CDH2: variants seen among roughly 807,000 people sequenced by gnomAD.
CDH2 encodes cadherin 2, also known as cadherin-2.
A neutral mutation model predicts 92.0 loss-of-function variants in CDH2; 17 were observed. The ratio of observed to expected loss-of-function variants is 0.18; its 90% CI spans 0.13 to 0.28. The LOEUF is 0.28. CDH2 is among the 10% of genes least tolerant of loss of function. The probability of loss-of-function intolerance (pLI) is 1.00; values close to 1 mark genes in which losing one functional copy is unlikely to be tolerated. For missense variants in CDH2, 862 were observed against 1,133.1 expected (o/e 0.76, Z 3.44); for synonymous variants, 419 against 415.9 (o/e 1.01, Z -0.09).
At chr18:27,972,128 G>A (rs1181051863) in intron 14 of CDH2, among the ~76,000 whole-genome samples, 1 of 152,096 alleles carries the variant, frequency 6.6e-6, no homozygotes, top group East Asian at 1.9e-4. Context: ...ATCTTGCCTG[G>A]ACTTTAGATT....
intron 2 of CDH2, among the ~76,000 whole-genome samples, chr18:28,055,706 G>A (rs192653338): frequency 1.8e-3 from 274 of 152,244 alleles, no homozygotes; most frequent in African/African-American, 5.2e-3. Flanking sequence ...AAATGTCTGA[G>A]TAATTTTAAG....
intron 4 of CDH2, among the ~76,000 whole-genome samples, chr18:28,010,971 C>T (rs1220146): frequency 0.5 from 75,308 of 150,098 alleles, 19,044 homozygotes; most frequent in South Asian, 0.58. Context: ...AGCAAAATTC[C>T]CTTTTCTCTC....
intron 2 of CDH2, among the ~76,000 whole-genome samples, chr18:28,119,044 C>A (rs982933898): frequency 1.3e-5 from 2 of 151,978 alleles, no homozygotes; most frequent in African/African-American, 4.8e-5. Flanking sequence ...ACCAAAAGAA[C>A]AATCCAGGGA....
intron 6 of CDH2, among the ~76,000 whole-genome samples, chr18:28,004,773 T>G (rs2012867224): frequency 6.6e-6 from 1 of 152,188 alleles, no homozygotes; most frequent in Non-Finnish European, 1.5e-5. Context: ...TCTGACGATG[T>G]GACTTAGAAG....
chr18:27,962,437 A>C (rs2011431863), intron 15 of CDH2, among the ~76,000 whole-genome samples: 1 of 152,230 alleles, frequency 6.6e-6, no homozygotes, highest in Non-Finnish European at 1.5e-5. Context: ...AATGTAGATT[A>C]TGTTTAATAT....
chr18:28,137,629 A>G (rs2144308771), intron 2 of CDH2, among the ~76,000 whole-genome samples: 1 of 152,284 alleles, frequency 6.6e-6, no homozygotes, highest in African/African-American at 2.4e-5. Context: ...CAAATGTCCG[A>G]ACACCATAAG....
intron 2 of CDH2, chr18:28,045,487 A>G: frequency 2.2e-6 from 1 of 460,728 alleles, no homozygotes. Context: ...GGTCTTGTAA[A>G]TGAACTTCAT....
At chr18:27,936,926 A>G (rs953576180) in intron 6 of CDH2, among the ~76,000 whole-genome samples, 1 of 152,200 alleles carries the variant, frequency 6.6e-6, no homozygotes, top group African/African-American at 2.4e-5. Flanking sequence ...ATGAAAGTAA[A>G]ACACTCTCAA....
chr18:28,160,572 T>TTA (rs2016292210), intron 1 of CDH2, among the ~76,000 whole-genome samples: 1 of 152,122 alleles, frequency 6.6e-6, no homozygotes, highest in African/African-American at 2.4e-5. Context: ...TGGATGGCCT[T>TTA]TACAAGTGAA....
intron 2 of CDH2, among the ~76,000 whole-genome samples, chr18:28,075,624 C>T (rs1433303945): frequency 1.3e-5 from 2 of 152,174 alleles, no homozygotes; most frequent in Non-Finnish European, 2.9e-5. Flanking sequence ...ACAGAAAAGG[C>T]TGGTATCCCA....
At chr18:28,138,654 A>C (rs1353392990) in intron 2 of CDH2, among the ~76,000 whole-genome samples, 2 of 152,102 alleles carry the variant, frequency 1.3e-5, no homozygotes, top group African/African-American at 4.8e-5. Flanking sequence ...TTCCTACTAC[A>C]GGGATTTTGC....
chr18:28,018,903 A>G (rs917678299), intron 2 of CDH2, among the ~76,000 whole-genome samples: 4 of 149,922 alleles, frequency 2.7e-5, no homozygotes, highest in Non-Finnish European at 5.9e-5. Flanking sequence ...GTACATATAT[A>G]TGTGTGTGTA....
chr18:28,073,963 T>C (rs2014669278), intron 2 of CDH2, among the ~76,000 whole-genome samples: 1 of 152,154 alleles, frequency 6.6e-6, no homozygotes. Flanking sequence ...GTTATTTACA[T>C]TGTATTAATA....
intron 6 of CDH2, among the ~76,000 whole-genome samples, chr18:27,943,237 T>G (rs907965282): frequency 6.6e-6 from 1 of 152,190 alleles, no homozygotes; most frequent in Non-Finnish European, 1.5e-5. Context: ...GCCCTCTGTC[T>G]TTTCACTCAG....
intron 2 of CDH2, among the ~76,000 whole-genome samples, chr18:28,092,783 G>C (rs748946241): frequency 4.6e-5 from 7 of 152,086 alleles, no homozygotes; most frequent in Non-Finnish European, 8.8e-5. Flanking sequence ...GAAAACAACA[G>C]AATTGTAGAA....
intron 14 of CDH2, among the ~76,000 whole-genome samples, chr18:27,975,181 T>A (rs571261824): frequency 6.6e-6 from 1 of 152,288 alleles, no homozygotes; most frequent in South Asian, 2.1e-4. Context: ...CCAATTGTCA[T>A]GCTCCAGTCA....
In CDH2 at chr18:28,002,192, C is replaced by A. The variant is rs1401094646; in HGVS notation, c.1020+805G>T. 2.6e-5 allele frequency among the ~76,000 whole-genome samples: 4 copies of A among 152,232 alleles called. No homozygotes were observed. The East Asian group carries it at 7.7e-4, about 29-fold the overall frequency. ...AGTGCTTGAATCAGAACCGGAAGAA[C>A]TAGAAGATCCAAGATCAAGATAAAG... On this transcript the variant is annotated intron_variant, in intron 7 of 15. Transcript: ENST00000269141.
intron 1 of CDH2, among the ~76,000 whole-genome samples, chr18:28,173,432 A>G (rs1271376757): frequency 2.6e-5 from 4 of 152,156 alleles, no homozygotes; most frequent in African/African-American, 9.6e-5. Context: ...GCACATGAAA[A>G]TCAAATAAAT....
intron 2 of CDH2, among the ~76,000 whole-genome samples, chr18:28,018,035 T>C (rs2013301555): frequency 6.6e-6 from 1 of 151,996 alleles, no homozygotes; most frequent in South Asian, 2.1e-4. Context: ...CAAAAGCTCC[T>C]AGAACTAGTA....
Sources: allele counts gnomAD v4.1 joint callset (sites outside exome capture counted in the v4.1 genomes callset), GRCh38; gene constraint gnomAD v4.1.1; transcripts MANE v1.5; gene names NCBI Gene and HGNC (gene_info 2026-07-23, HGNC 2026-07-21).